Variants in PCDHA1 observed in about 807,000 individuals in gnomAD.
PCDHA1 encodes protocadherin alpha 1, also known as protocadherin alpha-1.
A neutral mutation model predicts 61.3 loss-of-function variants in PCDHA1; 42 were observed. The observed-to-expected ratio is 0.69, with a 90% CI of 0.54 to 0.89. PCDHA1 has a LOEUF of 0.89. Among genes scored for constraint, PCDHA1 ranks in the 40% least tolerant of loss-of-function variants. The probability of loss-of-function intolerance (pLI) is 0.00; values close to 1 mark genes in which losing one functional copy is unlikely to be tolerated. For synonymous variants in PCDHA1, 610 were observed against 553.8 expected, an observed-to-expected ratio of 1.10 and a Z score of -1.43; for missense variants, 1,256 against 1,235.3, an observed-to-expected ratio of 1.02 and a Z score of -0.25.
intron 1 of PCDHA1, among the ~76,000 whole-genome samples, chr5:140,944,398 G>C (rs1326523434): frequency 4.6e-5 from 7 of 152,104 alleles, no homozygotes; most frequent in African/African-American, 2.4e-5. Flanking sequence ...TGTTATCCAG[G>C]CTGGTCTCGA....
At chr5:140,864,663 C>G (rs75209206) in intron 1 of PCDHA1, 1 of 152,176 alleles carries the variant, frequency 6.6e-6, no homozygotes, top group African/African-American at 2.4e-5. Flanking sequence ...ACTTAATTAC[C>G]TGTTGACTTA....
chr5:140,841,723 G>C, intron 1 of PCDHA1: 1 of 1,613,856 alleles, frequency 6.2e-7, no homozygotes. Context: ...CAGTGTTCCG[G>C]GTAAAAGACC....
At position 140,848,413 on chromosome 5, in the gene PCDHA1, G is replaced by A. The variant is rs2150410118; in HGVS notation, c.2394+59729G>A. On this transcript the variant is annotated intron_variant, in intron 1 of 3. Transcript: ENST00000504120. The stretch of plus-strand genomic sequence containing the variant: ...TCTGTGCTGAACGATGGCGAACACA[G>A]CAGAATGGGACTGACGAAATCAGAT... 44 of 1,383,064 alleles carry A rather than the reference G, an allele frequency of 3.2e-5. 5 individuals are homozygous for A. Among genetic ancestry groups the A allele is most frequent in the Non-Finnish European group, 4.2e-5 (42 of 1,005,008 alleles). The allele number at this position is 1,383,064 out of a possible 1,614,324, so 85.7% of individuals were successfully genotyped here.
intron 1 of PCDHA1, among the ~76,000 whole-genome samples, chr5:140,943,423 T>C (rs782562871): frequency 5.3e-5 from 8 of 152,080 alleles, no homozygotes; most frequent in Non-Finnish European, 7.4e-5. Context: ...GGCAAGGGCT[T>C]TAATATGATA....
rs2150364461 is a variant in PCDHA1, at chr5:140,843,643, C to T, written c.2394+54959C>T. 81 of 1,595,634 alleles carry T rather than the reference C, an allele frequency of 5.1e-5. 5 individuals are homozygous for T. In the South Asian group the frequency reaches 8.1e-4, roughly 16 times the overall value. On this transcript the variant is annotated intron_variant, in intron 1 of 3. Transcript: ENST00000504120. ...AGACGGACCTCATGGCCTTCAGCCC[C>T]TGCCTTCCTCCTGATCTGGGATCAG...
At chr5:140,884,559 C>T (rs782174598) in intron 1 of PCDHA1, 2 of 1,614,094 alleles carry the variant, frequency 1.2e-6, no homozygotes, top group Admixed American at 1.7e-5. Context: ...GGGGAGGGCC[C>T]GCATAAGACG....
intron 1 of PCDHA1, chr5:140,851,487 C>A: frequency 2.2e-6 from 2 of 889,094 alleles, no homozygotes; most frequent in Non-Finnish European, 1.4e-6. Flanking sequence ...TAAACACAGC[C>A]TTCATTTCAA....
At chr5:141,009,120 T>C (rs1383940737) in intron 3 of PCDHA1, among the ~76,000 whole-genome samples, 1 of 152,236 alleles carries the variant, frequency 6.6e-6, no homozygotes, top group African/African-American at 2.4e-5. Flanking sequence ...ACTAGATTCT[T>C]GGTATCCTGG....
intron 3 of PCDHA1, among the ~76,000 whole-genome samples, chr5:140,996,553 A>C (rs868960335): frequency 1.3e-5 from 2 of 152,172 alleles, no homozygotes; most frequent in African/African-American, 2.4e-5. Flanking sequence ...TGCTGTCACT[A>C]TCTTGAAGTT....
chr5:141,005,701 CA>C (rs59860837), intron 3 of PCDHA1, among the ~76,000 whole-genome samples: 201 of 7,776 alleles, frequency 0.026, no homozygotes, highest in African/African-American at 0.052. Flanking sequence ...AACTCCGTCT[CA>C]AAAAAAAAAA....
In PCDHA1 at chr5:140,787,430, T is replaced by A; in HGVS notation, c.1140T>A (p.Gly380=). 6.2e-7 allele frequency: 1 copy of A among 1,614,226 alleles called. No homozygotes were observed. The highest frequency in any genetic ancestry group is 1.1e-5 in the South Asian group (1 of 91,086). ...TCACCGTGTCTGACCGTGACTCAGG[T>A]GCCAACGGGCAGGTGACTTGCTCCT... ...ALITVSDRDS[G]ANGQVTCSLM... is the part of the protein sequence containing the mutation. The change falls in exon 1 of 4, where the codon GGT becomes GGA. Residue 380 remains glycine (G), a synonymous_variant. Transcript: ENST00000504120.
chr5:140,968,357 C>A (rs1554230636), intron 1 of PCDHA1: 2 of 1,614,080 alleles, frequency 1.2e-6, no homozygotes, highest in Non-Finnish European at 1.7e-6. Flanking sequence ...CAGTGGCAGC[C>A]TTTATGCTGT....
At chr5:140,979,086 G>A in intron 2 of PCDHA1, 79 bp downstream of exon 2, 3 of 1,561,050 alleles carry the variant, frequency 1.9e-6, no homozygotes, top group South Asian at 2.4e-5. Flanking sequence ...CCATAGGCCA[G>A]AAGCAGCTGT....
intron 2 of PCDHA1, among the ~76,000 whole-genome samples, chr5:140,981,165 T>C (rs1411910974): frequency 6.6e-6 from 1 of 152,250 alleles, no homozygotes; most frequent in Non-Finnish European, 1.5e-5. Flanking sequence ...ATATGTTGCC[T>C]TCCCTCTAAT....
At chr5:140,802,028 C>T in intron 1 of PCDHA1, 1 of 1,614,136 alleles carries the variant, frequency 6.2e-7, no homozygotes, top group South Asian at 1.1e-5. Context: ...ATAAGGATAT[C>T]GCGTATTCTT....
intron 1 of PCDHA1, chr5:140,871,151 C>T: frequency 6.2e-7 from 1 of 1,613,328 alleles, no homozygotes; most frequent in Non-Finnish European, 8.5e-7. Flanking sequence ...CGGACTTTGG[C>T]GGGCGCCGCG....
In PCDHA1 at chr5:141,000,327, C is replaced by G. The variant is rs555445425; in HGVS notation, c.2543-9300C>G. On this transcript the variant is annotated intron_variant, in intron 3 of 3. Coordinates refer to ENST00000504120, the MANE Select transcript of PCDHA1 (RefSeq NM_018900.4). ...GAGTTCAAGACCAGCTTGGGCAACA[C>G]AGCAAGGCCCTATCTCTCTCTCTGT... is the stretch of plus-strand genomic sequence containing the variant. 3.5e-5 allele frequency among the ~76,000 whole-genome samples: 5 copies of G among 144,706 alleles called. No homozygotes were observed. The South Asian group carries it at 1.1e-3, about 32-fold the overall frequency. 94.9% of individuals were successfully genotyped at this position (144,706 alleles called of 152,430 possible). A position where few individuals can be genotyped will look rare whatever the true frequency, so the allele number is the denominator to read the frequency against.
rs1763431287 is a variant in PCDHA1, at chr5:140,804,660, C to T, written c.2394+15976C>T. 3 of 157,140 alleles carry T rather than the reference C, an allele frequency of 1.9e-5. No homozygotes were observed. In the Admixed American group the frequency reaches 2.0e-4, roughly 10 times the overall value. 9.7% of individuals were successfully genotyped at this position (157,140 alleles called of 1,614,324 possible). On this transcript the variant is annotated intron_variant, in intron 1 of 3. Coordinates refer to ENST00000504120, the MANE Select transcript of PCDHA1 (RefSeq NM_018900.4). ...ATCCTGCCTATTAATGTGTGCCATG[C>T]AATAAGTAGAAAACTCCAAATAACC...
intron 1 of PCDHA1, chr5:140,882,621 AT>A (rs1447184799): frequency 1.2e-6 from 2 of 1,614,094 alleles, no homozygotes; most frequent in Non-Finnish European, 1.7e-6. Flanking sequence ...CAGGTTTTCC[AT>A]GTGGAGGTGA....
Sources: gnomAD v4.1 joint callset for allele counts (sites outside exome capture counted in the v4.1 genomes callset) on GRCh38, gnomAD v4.1.1 for gene constraint, MANE v1.5 for transcripts, NCBI Gene and HGNC (gene_info 2026-07-23, HGNC 2026-07-21) for gene names.